NIBAN1: variants seen among roughly 807,000 people sequenced by gnomAD.
NIBAN1 encodes protein Niban 1.
A neutral mutation model predicts 75.1 loss-of-function variants in NIBAN1; 81 were observed. That is an observed-to-expected ratio of 1.08 (90% CI 0.90 to 1.30). The LOEUF is 1.30. NIBAN1 is among the 50% of genes most tolerant of loss of function. The probability of loss-of-function intolerance (pLI) is 0.00; values close to 1 mark genes in which losing one functional copy is unlikely to be tolerated. For missense variants in NIBAN1, 1,133 were observed against 1,128.1 expected, an observed-to-expected ratio of 1.00 and a Z score of -0.06; for synonymous variants, 436 against 424.8, an observed-to-expected ratio of 1.03 and a Z score of -0.32.
In NIBAN1 at chr1:184,808,085, A is replaced by G. The variant is rs1266461304; in HGVS notation, c.1324T>C (p.Tyr442His). The change falls in exon 10 of 14, where the codon TAC becomes CAC. Residue 442 changes from tyrosine (Y) to histidine (H), a missense_variant. By Grantham distance (83) the Tyr-to-His change is moderately conservative. Transcript: ENST00000367511. ...CCTGCCACACCCACCTCCTGCATGT[A>G]GTTCTGTGTCCTCTGAACCACCAGA... ...IDLVVQRTQN[Y>H]MQELMENAVF... 2 of 1,613,896 alleles carry G rather than the reference A, an allele frequency of 1.2e-6. No homozygotes were observed. The highest frequency in any genetic ancestry group is 2.2e-5 in the South Asian group (2 of 91,072).
intron 6 of NIBAN1, among the ~76,000 whole-genome samples, chr1:184,828,326 C>A (rs567582778): frequency 1.3e-5 from 2 of 152,062 alleles, no homozygotes; most frequent in Non-Finnish European, 2.9e-5. Context: ...GAATGCAGGC[C>A]CCTAGGGTAG....
At chr1:184,815,189 C>T (rs1654492897) in intron 9 of NIBAN1, among the ~76,000 whole-genome samples, 1 of 152,180 alleles carries the variant, frequency 6.6e-6, no homozygotes, top group Non-Finnish European at 1.5e-5. Context: ...CTTTCCCATG[C>T]AAGAGGGCTG....
chr1:184,923,667 A>C (rs1283253932), intron 1 of NIBAN1, among the ~76,000 whole-genome samples: 1 of 152,126 alleles, frequency 6.6e-6, no homozygotes, highest in Non-Finnish European at 1.5e-5. Context: ...GGTGGTATGG[A>C]TATTTTAACA....
chr1:184,809,271 G>A (rs1654297658), intron 9 of NIBAN1, among the ~76,000 whole-genome samples: 2 of 152,184 alleles, frequency 1.3e-5, no homozygotes, highest in Admixed American at 6.5e-5. Flanking sequence ...AGTGAAGTAA[G>A]GATCAAAAGC....
At chr1:184,951,978 C>T (rs192397977) in intron 1 of NIBAN1, among the ~76,000 whole-genome samples, 1 of 152,332 alleles carries the variant, frequency 6.6e-6, no homozygotes, top group Admixed American at 6.5e-5. Context: ...CTCCCTACCA[C>T]CACCTCTATG....
chr1:184,856,017 C>G (rs1048006260), intron 5 of NIBAN1, among the ~76,000 whole-genome samples: 1 of 152,088 alleles, frequency 6.6e-6, no homozygotes, highest in Non-Finnish European at 1.5e-5. Flanking sequence ...AAATGGGTTA[C>G]GTAGTAATAC....
intron 9 of NIBAN1, among the ~76,000 whole-genome samples, chr1:184,814,136 G>A (rs907400447): frequency 7.2e-5 from 11 of 152,102 alleles, no homozygotes; most frequent in African/African-American, 1.7e-4. Flanking sequence ...GGTTGTGGAA[G>A]GTTTATAAAA....
chr1:184,829,341 C>A (rs1477194685), intron 6 of NIBAN1, among the ~76,000 whole-genome samples: 1 of 152,100 alleles, frequency 6.6e-6, no homozygotes, highest in Non-Finnish European at 1.5e-5. Context: ...CTCGCCTCAC[C>A]ATGATGGCAA....
At chr1:184,965,454 T>A (rs1172262837) in intron 1 of NIBAN1, among the ~76,000 whole-genome samples, 1 of 152,230 alleles carries the variant, frequency 6.6e-6, no homozygotes, top group African/African-American at 2.4e-5. Context: ...CTACTGTGAA[T>A]AGTGCTGCAA....
intron 1 of NIBAN1, among the ~76,000 whole-genome samples, chr1:184,945,425 CA>C (rs1658196326): frequency 6.6e-6 from 1 of 152,126 alleles, no homozygotes; most frequent in African/African-American, 2.4e-5. Flanking sequence ...GTAGGTAAAA[CA>C]ACTATAAATA....
chr1:184,882,474 C>G (rs1290762910), intron 5 of NIBAN1, among the ~76,000 whole-genome samples: 2 of 152,138 alleles, frequency 1.3e-5, no homozygotes, highest in Non-Finnish European at 2.9e-5. Context: ...GGAAGTTATG[C>G]CAAATTAAGT....
At chr1:184,899,970 C>T (rs1656906803) in intron 1 of NIBAN1, among the ~76,000 whole-genome samples, 1 of 152,070 alleles carries the variant, frequency 6.6e-6, no homozygotes. Flanking sequence ...GTATGTGCCA[C>T]CATGCTCAGC....
chr1:184,905,563 G>C (rs531917986), intron 1 of NIBAN1, among the ~76,000 whole-genome samples: 1 of 152,088 alleles, frequency 6.6e-6, no homozygotes, highest in Admixed American at 6.5e-5. Context: ...TCTTGCCCCT[G>C]TGCATACATG....
At chr1:184,945,760 T>C (rs1658204840) in intron 1 of NIBAN1, among the ~76,000 whole-genome samples, 1 of 151,218 alleles carries the variant, frequency 6.6e-6, no homozygotes, top group Non-Finnish European at 1.5e-5. Flanking sequence ...AGATAGAGAG[T>C]CGCTGAAAAT....
chr1:184,889,202 T>C (rs1164252818), intron 4 of NIBAN1, among the ~76,000 whole-genome samples: 5 of 152,172 alleles, frequency 3.3e-5, no homozygotes, highest in African/African-American at 1.2e-4. Flanking sequence ...TTTCTCCACA[T>C]GTAAAAAGTG....
chr1:184,843,031 A>G (rs10911651), intron 5 of NIBAN1, among the ~76,000 whole-genome samples: 60,441 of 152,114 alleles, frequency 0.4, 13,191 homozygotes, highest in Middle Eastern at 0.51. Context: ...CTGCTCACCC[A>G]CTTAACACAA....
chr1:184,939,328 C>T (rs1658034325), intron 1 of NIBAN1, among the ~76,000 whole-genome samples: 1 of 152,190 alleles, frequency 6.6e-6, no homozygotes, highest in Admixed American at 6.5e-5. Context: ...AAATCTTAGG[C>T]AGAGACAACT....
chr1:184,879,187 T>C (rs1656312292), intron 5 of NIBAN1, among the ~76,000 whole-genome samples: 1 of 152,216 alleles, frequency 6.6e-6, no homozygotes, highest in Non-Finnish European at 1.5e-5. Flanking sequence ...TTGCAGTGCA[T>C]AGAGGGTTTT....
chr1:184,891,421 A>T (rs1656663002), intron 3 of NIBAN1, among the ~76,000 whole-genome samples: 1 of 152,218 alleles, frequency 6.6e-6, no homozygotes, highest in South Asian at 2.1e-4. Context: ...CTAAACTTGT[A>T]TGATATTAAG....
Sources: allele counts gnomAD v4.1 joint callset (sites outside exome capture counted in the v4.1 genomes callset), GRCh38; gene constraint gnomAD v4.1.1; transcripts MANE v1.5; gene names NCBI Gene and HGNC (gene_info 2026-07-23, HGNC 2026-07-21).